The following NRXN3 variants were observed in gnomAD, a reference collection of about 807,000 sequenced individuals.
The protein encoded by NRXN3 is neurexin III.
NRXN3 carries 32 observed loss-of-function variants against 137.6 expected under a neutral mutation model. The observed-to-expected ratio is 0.23, with a 90% CI of 0.18 to 0.31. The LOEUF (loss-of-function observed/expected upper bound fraction) is 0.31, where lower values mean the gene tolerates loss of function less well. NRXN3 is among the 10% of genes least tolerant of loss of function. NRXN3 has a pLI of 1.00. For missense variants in NRXN3, 1,574 were observed against 2,062.5 expected, an observed-to-expected ratio of 0.76 and a Z score of 4.59; for synonymous variants, 798 against 784.5, an observed-to-expected ratio of 1.02 and a Z score of -0.29.
At chr14:78,936,127 A>G (rs1006589096) in intron 10 of NRXN3, among the ~76,000 whole-genome samples, 1 of 151,942 alleles carries the variant, frequency 6.6e-6, no homozygotes, top group Non-Finnish European at 1.5e-5. Flanking sequence ...TATCTTTCCT[A>G]CCTTAGCTCT....
At chr14:79,684,668 T>C (rs533807537) in intron 17 of NRXN3, among the ~76,000 whole-genome samples, 1 of 152,300 alleles carries the variant, frequency 6.6e-6, no homozygotes, top group Non-Finnish European at 1.5e-5. Context: ...CCCTGTCCTC[T>C]GAGCTGTGTG....
chr14:78,220,873 A>AT (rs369796452), intron 1 of NRXN3, among the ~76,000 whole-genome samples: 135 of 149,116 alleles, frequency 9.1e-4, no homozygotes, highest in East Asian at 1.4e-3. Context: ...AAAAACCTCA[A>AT]TTTTTTTTTT....
chr14:79,104,950 T>C (rs1328582311), intron 15 of NRXN3, among the ~76,000 whole-genome samples: 3 of 152,178 alleles, frequency 2.0e-5, no homozygotes, highest in Non-Finnish European at 2.9e-5. Context: ...TCATTCATTG[T>C]ATGGAATAAT....
At chr14:78,702,468 G>A (rs1311673286) in intron 6 of NRXN3, among the ~76,000 whole-genome samples, 1 of 4,482 alleles carries the variant, frequency 2.2e-4, no homozygotes, top group Non-Finnish European at 1.3e-3. Context: ...TTTTTGAGAT[G>A]GAGTCTCAGT....
intron 8 of NRXN3, among the ~76,000 whole-genome samples, chr14:78,800,208 G>A (rs1451350927): frequency 6.6e-6 from 1 of 152,152 alleles, no homozygotes; most frequent in Non-Finnish European, 1.5e-5. Context: ...GGACTGTTAA[G>A]TATACAGCTG....
intron 15 of NRXN3, among the ~76,000 whole-genome samples, chr14:79,132,562 A>C (rs777308675): frequency 3.3e-5 from 5 of 152,224 alleles, no homozygotes; most frequent in Non-Finnish European, 7.3e-5. Context: ...AAAATTTAAA[A>C]TTATATATTT....
intron 15 of NRXN3, among the ~76,000 whole-genome samples, chr14:79,379,337 A>G (rs114913664): frequency 1.0e-3 from 157 of 152,246 alleles, no homozygotes; most frequent in African/African-American, 3.6e-3. Flanking sequence ...TCCTGCTAGG[A>G]TGTGCAGAAA....
intron 15 of NRXN3, among the ~76,000 whole-genome samples, chr14:79,222,382 T>C (rs902077652): frequency 6.6e-6 from 1 of 152,174 alleles, no homozygotes; most frequent in Non-Finnish European, 1.5e-5. Context: ...CTGAATAATG[T>C]TCCCTTGTCT....
intron 15 of NRXN3, among the ~76,000 whole-genome samples, chr14:79,310,892 G>A (rs2087138794): frequency 6.1e-5 from 5 of 81,902 alleles, no homozygotes; most frequent in Non-Finnish European, 8.6e-5. Flanking sequence ...GGGACAATTT[G>A]ACTTCCTCTT....
chr14:79,109,976 T>G (rs759184023), intron 15 of NRXN3, among the ~76,000 whole-genome samples: 6 of 152,034 alleles, frequency 3.9e-5, no homozygotes, highest in Admixed American at 2.6e-4. Context: ...GTTAAAAAAA[T>G]TAGAAAAGAA....
chr14:79,371,521 A>T (rs4903846), intron 15 of NRXN3, among the ~76,000 whole-genome samples: 74,375 of 151,646 alleles, frequency 0.49, 18,512 homozygotes, highest in Admixed American at 0.54. Context: ...GTCTTTTTTT[A>T]AAAAACTGTT....
chr14:78,456,012 T>A (rs925708048), intron 4 of NRXN3, among the ~76,000 whole-genome samples: 1 of 152,206 alleles, frequency 6.6e-6, no homozygotes, highest in South Asian at 2.1e-4. Context: ...GGACATCAAA[T>A]GTCTCCCTGA....
intron 11 of NRXN3, among the ~76,000 whole-genome samples, chr14:78,965,396 T>G (rs1315674158): frequency 1.3e-5 from 2 of 152,176 alleles, no homozygotes; most frequent in Non-Finnish European, 2.9e-5. Context: ...GTCCAAAGTC[T>G]GTGACAGTTA....
intron 15 of NRXN3, among the ~76,000 whole-genome samples, chr14:79,111,725 G>C (rs1156756386): frequency 7.0e-6 from 1 of 142,200 alleles, no homozygotes; most frequent in African/African-American, 2.8e-5. Context: ...GTGATAGAGA[G>C]ACTCCATCTC....
chr14:79,364,211 T>A (rs2093790384), intron 15 of NRXN3, among the ~76,000 whole-genome samples: 1 of 152,246 alleles, frequency 6.6e-6, no homozygotes, highest in South Asian at 2.1e-4. Flanking sequence ...GATAAAATTA[T>A]GACATGACTT....
chr14:79,482,873 C>T (rs191231547), intron 16 of NRXN3, among the ~76,000 whole-genome samples: 2 of 152,174 alleles, frequency 1.3e-5, no homozygotes, highest in Admixed American at 1.3e-4. Flanking sequence ...AAGATCACCC[C>T]TTATGGTAAC....
intron 16 of NRXN3, among the ~76,000 whole-genome samples, chr14:79,635,594 A>G (rs1381277317): frequency 6.6e-6 from 1 of 152,166 alleles, no homozygotes; most frequent in Non-Finnish European, 1.5e-5. Context: ...TTGCCTCTTC[A>G]TAGCTTCTGG....
At chr14:79,368,913 A>G (rs2093992736) in intron 15 of NRXN3, among the ~76,000 whole-genome samples, 2 of 152,232 alleles carry the variant, frequency 1.3e-5, no homozygotes, top group African/African-American at 4.8e-5. Flanking sequence ...TAATTACATC[A>G]AAAGGCCACT....
At chr14:78,181,798 C>T (rs188460845) in intron 1 of NRXN3, among the ~76,000 whole-genome samples, 162 of 152,244 alleles carry the variant, frequency 1.1e-3, no homozygotes, top group African/African-American at 3.8e-3. Flanking sequence ...AGAGAATAGT[C>T]GGAGACTCTC....
Sources: gnomAD v4.1 joint callset for allele counts (sites outside exome capture counted in the v4.1 genomes callset) on GRCh38, gnomAD v4.1.1 for gene constraint, MANE v1.5 for transcripts, NCBI Gene and HGNC (gene_info 2026-07-23, HGNC 2026-07-21) for gene names.